ZFX: variants seen among roughly 807,000 people sequenced by gnomAD.
The protein encoded by ZFX is zinc finger protein X-linked, also known as zinc finger X-chromosomal protein.
For missense variants in ZFX, 362 were observed against 628.3 expected, an observed-to-expected ratio of 0.58 and a Z score of 4.53; for synonymous variants, 196 against 226.8, an observed-to-expected ratio of 0.86 and a Z score of 1.22.
intron 5 of ZFX, among the ~76,000 whole-genome samples, chrX:24,183,785 T>C (rs899124894): frequency 9.5e-6 from 1 of 105,628 alleles, no homozygotes; most frequent in Non-Finnish European, 1.9e-5. Flanking sequence ...CAGGCTGGAG[T>C]GCAGTGGCTC....
intron 3 of ZFX, among the ~76,000 whole-genome samples, chrX:24,168,165 A>G (rs1206300006): frequency 1.8e-5 from 2 of 112,262 alleles, no homozygotes; most frequent in African/African-American, 6.5e-5. Context: ...ACCAGTTCTG[A>G]TTTCCCTCTA....
intron 4 of ZFX, among the ~76,000 whole-genome samples, chrX:24,175,119 G>A (rs998586135): frequency 1.8e-5 from 2 of 112,172 alleles, no homozygotes; most frequent in African/African-American, 3.2e-5. Context: ...TAAATGTAAG[G>A]TTTATAATTC....
chrX:24,163,964 CT>C (rs1436842984), intron 3 of ZFX, among the ~76,000 whole-genome samples: 14 of 99,184 alleles, frequency 1.4e-4, no homozygotes, highest in East Asian at 1.3e-3. Flanking sequence ...AAGTTGTTTT[CT>C]TTTTTTCTGT....
At chrX:24,183,123 A>G (rs1935812208) in intron 5 of ZFX, among the ~76,000 whole-genome samples, 1 of 112,282 alleles carries the variant, frequency 8.9e-6, no homozygotes, top group Non-Finnish European at 1.9e-5. Context: ...GTAGGAAGCC[A>G]AGAATTTATG....
At position 24,209,052 on chromosome X, in the gene ZFX, C is replaced by T. The variant is rs375108396; in HGVS notation, c.1234+12C>T. 3.3e-6 allele frequency: 4 copies of T among 1,209,537 alleles called. No homozygotes were observed. The highest frequency in any genetic ancestry group is 3.0e-5 in the East Asian group (1 of 33,738). ...GCAGTACCAAACAGGTGAGGGCGCACGAGTTCCATGGCGCAGCGTGCTCTG... is the reference window on the plus strand; with the variant it reads ...GCAGTACCAAACAGGTGAGGGCGCATGAGTTCCATGGCGCAGCGTGCTCTG... On this transcript the variant is annotated intron_variant, in intron 9 of 9. Transcript: ENST00000304543.
At chrX:24,173,395 T>A (rs1298437725) in intron 4 of ZFX, among the ~76,000 whole-genome samples, 3 of 110,965 alleles carry the variant, frequency 2.7e-5, no homozygotes, top group African/African-American at 9.8e-5. Context: ...TTTTTATAAC[T>A]CTCTCTCTTG....
chrX:24,201,585 G>A (rs1937296985), intron 5 of ZFX, among the ~76,000 whole-genome samples: 1 of 112,312 alleles, frequency 8.9e-6, no homozygotes, highest in Admixed American at 9.4e-5. Context: ...AAACTGTTTC[G>A]AGTTGAGTTA....
intron 4 of ZFX, chrX:24,173,755 ATTTT>A (rs748379061): frequency 9.6e-4 from 349 of 362,274 alleles, no homozygotes; most frequent in Middle Eastern, 1.5e-3. Flanking sequence ...TAACTTTTGT[ATTTT>A]TTTTTTTTTT....
chrX:24,213,295 A>AAAAC lies in ZFX; in HGVS notation c.*1921_*1924dup. 8.9e-6 allele frequency: 1 copy of AAAAC among 112,050 alleles called. No individual in the cohort carries two copies. The highest frequency in any genetic ancestry group is 9.5e-5 in the Admixed American group (1 of 10,494). The allele number at this position is 112,050 out of a possible 1,213,427, so 9.2% of individuals were successfully genotyped here. A position where few individuals can be genotyped will look rare whatever the true frequency, so the allele number is the denominator to read the frequency against. On this transcript the variant is annotated 3_prime_UTR_variant, in exon 10 of 10. Coordinates refer to ENST00000304543, the MANE Select transcript of ZFX (RefSeq NM_003410.4). ...TGTTAAGACGAATCTGGGAGAACAG[A>AAAAC]AAACAGTTTTTGGGGTCCCTTCAGT...
At chrX:24,154,651 C>T (rs935501698) in intron 3 of ZFX, among the ~76,000 whole-genome samples, 1 of 111,490 alleles carries the variant, frequency 9.0e-6, no homozygotes. Context: ...CATATGATGT[C>T]ATAATAGATA....
At chrX:24,169,882 A>G (rs1028677435) in intron 3 of ZFX, among the ~76,000 whole-genome samples, 2 of 111,199 alleles carry the variant, frequency 1.8e-5, no homozygotes, top group Non-Finnish European at 3.8e-5. Flanking sequence ...GTGAGCAGCC[A>G]GCAGTTAAGA....
rs201957788 is a variant in ZFX, at chrX:24,211,379, A to G, written c.*3A>G. 61 of 1,210,077 alleles carry G rather than the reference A, an allele frequency of 5.0e-5. No individual in the cohort carries two copies. The Admixed American group carries it at 5.5e-4, about 11-fold the overall frequency. On this transcript the variant is annotated 3_prime_UTR_variant, in exon 10 of 10. Coordinates refer to ENST00000304543, the MANE Select transcript of ZFX (RefSeq NM_003410.4). ...ATAAAGAAGTTGGCCTGCCCTAACA[A>G]TACTTCTACAGAACGTTTGTAGAGA...
intron 3 of ZFX, among the ~76,000 whole-genome samples, chrX:24,153,170 C>G (rs1041838391): frequency 2.5e-4 from 28 of 112,208 alleles, no homozygotes; most frequent in African/African-American, 9.1e-4. Flanking sequence ...CTTGTGTACA[C>G]TGGCAATTCC....
intron 5 of ZFX, 91 bp from the exon 6 acceptor site, chrX:24,207,234 CA>C (rs1312312766): frequency 7.6e-4 from 633 of 827,910 alleles, no homozygotes; most frequent in Admixed American, 1.2e-3. Context: ...GACTCCGTCT[CA>C]AAAAAAAAAA....
intron 3 of ZFX, among the ~76,000 whole-genome samples, chrX:24,164,423 G>A (rs1323295221): frequency 8.9e-6 from 1 of 111,846 alleles, no homozygotes; most frequent in African/African-American, 3.3e-5. Flanking sequence ...TTATATTCTT[G>A]CCAGTGCTTA....
chrX:24,154,658 GA>G (rs1228330376), intron 3 of ZFX, among the ~76,000 whole-genome samples: 6 of 111,861 alleles, frequency 5.4e-5, no homozygotes, highest in African/African-American at 2.0e-4. Context: ...TGTCATAATA[GA>G]TAGAATGCAG....
At chrX:24,156,435 G>A (rs911171981) in intron 3 of ZFX, among the ~76,000 whole-genome samples, 1 of 110,611 alleles carries the variant, frequency 9.0e-6, no homozygotes, top group Non-Finnish European at 1.9e-5. Flanking sequence ...TCATATTTAG[G>A]TCGTTAATTC....
intron 3 of ZFX, among the ~76,000 whole-genome samples, chrX:24,159,147 T>C (rs1296001754): frequency 4.5e-5 from 5 of 110,794 alleles, no homozygotes; most frequent in Non-Finnish European, 9.4e-5. Flanking sequence ...TGTGCCACCA[T>C]GCTGGCCTGA....
chrX:24,158,669 C>T (rs752797067), intron 3 of ZFX, among the ~76,000 whole-genome samples: 2 of 111,188 alleles, frequency 1.8e-5, no homozygotes, highest in Admixed American at 1.9e-4. Flanking sequence ...CGGGGTCTTG[C>T]TCTGTCGCCC....
Sources: gnomAD v4.1 joint callset for allele counts (sites outside exome capture counted in the v4.1 genomes callset) on GRCh38, gnomAD v4.1.1 for gene constraint, MANE v1.5 for transcripts, NCBI Gene and HGNC (gene_info 2026-07-23, HGNC 2026-07-21) for gene names.